C5orf34: variants seen among roughly 807,000 people sequenced by gnomAD.
C5orf34 encodes uncharacterized protein C5orf34.
A neutral mutation model predicts 78.4 loss-of-function variants in C5orf34; 73 were observed. The ratio of observed to expected loss-of-function variants is 0.93; its 90% CI spans 0.77 to 1.13. The LOEUF (loss-of-function observed/expected upper bound fraction) is 1.13, where lower values mean the gene tolerates loss of function less well. Among genes scored for constraint, C5orf34 ranks in the 50% most tolerant of loss-of-function variants. C5orf34 has a pLI of 0.00. For synonymous variants in C5orf34, 251 were observed against 246.6 expected, an observed-to-expected ratio of 1.02 and a Z score of -0.17; for missense variants, 730 against 732.7, an observed-to-expected ratio of 1.00 and a Z score of 0.04.
Position 43,509,353 on chromosome 5 carries a change from T to A in C5orf34, c.-14A>T, listed in dbSNP as rs898885315. ...TTCAGCTGCCATTACAACGGCAGGA[T>A]AAGATATCTTCTAAGTCAAAGACTG... On this transcript the variant is annotated 5_prime_UTR_variant, in exon 2 of 13. Coordinates refer to ENST00000306862, the MANE Select transcript of C5orf34 (RefSeq NM_198566.4). 2 of 1,445,640 alleles carry A rather than the reference T, an allele frequency of 1.4e-6. No individual in the cohort carries two copies. Among genetic ancestry groups the A allele is most frequent in the African/African-American group, 5.3e-5 (2 of 37,560 alleles). The allele number at this position is 1,445,640 out of a possible 1,614,324, so 89.6% of individuals were successfully genotyped here.
In C5orf34 at chr5:43,486,971, T is replaced by C; in HGVS notation, c.1861A>G (p.Lys621Glu). 6.4e-7 allele frequency: 1 copy of C among 1,570,900 alleles called. No homozygotes were observed. Among genetic ancestry groups the C allele is most frequent in the Non-Finnish European group, 8.6e-7 (1 of 1,162,142 alleles). ...NENRVSIALK[K>E]TSEILHDIDC... ...ATATCGTGAAGGATTTCAGAGGTTT[T>C]TTTCAATGCTATTGATACTCTATTT... The change falls in exon 13 of 13, where the codon AAA becomes GAA. Residue 621 changes from lysine to glutamate, a missense_variant. Coordinates refer to ENST00000306862, the MANE Select transcript of C5orf34 (RefSeq NM_198566.4).
At chr5:43,497,800 T>C (rs796217643) in intron 6 of C5orf34, among the ~76,000 whole-genome samples, 11 of 152,364 alleles carry the variant, frequency 7.2e-5, no homozygotes, top group African/African-American at 2.6e-4. Context: ...CTCTTTTGGC[T>C]ATGAAAACAG....
In C5orf34 at chr5:43,492,286, A is replaced by T. The variant is rs1745316743; in HGVS notation, c.1509T>A (p.Gly503=). 1 of 1,609,792 alleles carries T rather than the reference A, an allele frequency of 6.2e-7. No homozygotes were observed. Among genetic ancestry groups the T allele is most frequent in the Non-Finnish European group, 8.5e-7 (1 of 1,177,054 alleles). Residue 503 remains glycine, a synonymous_variant, in exon 10 of 13, where the codon GGT becomes GGA. Coordinates refer to ENST00000306862, the MANE Select transcript of C5orf34 (RefSeq NM_198566.4). Reference sequence around the variant, plus strand: ...CATCAGGAAAAGTTAACTTACACCAACCTAAGTTAAGACCTTGATTTACCT... The same window carrying T: ...CATCAGGAAAAGTTAACTTACACCATCCTAAGTTAAGACCTTGATTTACCT... ...KRQVNQGLNL[G]WCKLTFPDGQ...
chr5:43,500,530 G>T (rs1475078088), intron 6 of C5orf34, among the ~76,000 whole-genome samples: 2 of 152,026 alleles, frequency 1.3e-5, no homozygotes, highest in African/African-American at 4.8e-5. Flanking sequence ...CAAGTAGCTG[G>T]GATTACACAC....
intron 6 of C5orf34, chr5:43,495,870 T>C: frequency 6.3e-7 from 1 of 1,594,990 alleles, no homozygotes; most frequent in East Asian, 2.2e-5. Context: ...TTGTCACCAT[T>C]CCAACCAGAA....
At chr5:43,508,011 G>A (rs1351078461) in intron 3 of C5orf34, among the ~76,000 whole-genome samples, 2 of 151,550 alleles carry the variant, frequency 1.3e-5, no homozygotes, top group Non-Finnish European at 2.9e-5. Flanking sequence ...CTGGGAGGTG[G>A]AGGTTGCAGT....
At chr5:43,495,349 G>T (rs1745459060) in intron 6 of C5orf34, 2 of 1,611,668 alleles carry the variant, frequency 1.2e-6, no homozygotes, top group Non-Finnish European at 8.5e-7. Flanking sequence ...CAGCAAACTT[G>T]CATGCAATGT....
chr5:43,505,811 C>A lies in C5orf34; in HGVS notation c.869G>T (p.Gly290Val), dbSNP rs781245773. 1.7e-5 allele frequency: 28 copies of A among 1,611,178 alleles called. No individual in the cohort carries two copies. The East Asian group carries it at 6.0e-4, about 35-fold the overall frequency. Residue 290 changes from glycine to valine, a missense_variant, in exon 4 of 13, where the codon GGA (glycine) becomes GTA (valine). Physicochemically the swap from Gly to Val is moderately radical, Grantham distance 109. Coordinates refer to ENST00000306862, the MANE Select transcript of C5orf34 (RefSeq NM_198566.4). ...FLTSDISEER[G>V]KVVSVLPRAL... ...CCTGGGAAGAACAGAAACCACTTTT[C>A]CTCTTTCCTCTGAAATATCAGAAGT...
chr5:43,508,505 A>G (rs145311074), intron 3 of C5orf34, 72 bp downstream of exon 3: 3 of 911,076 alleles, frequency 3.3e-6, no homozygotes, highest in African/African-American at 1.7e-5. Flanking sequence ...AAAAAAGGCT[A>G]AATATTAAAT....
chr5:43,492,349 G>A, intron 9 of C5orf34, 40 bp from the exon 10 acceptor site: 1 of 1,313,276 alleles, frequency 7.6e-7, no homozygotes, highest in Non-Finnish European at 1.1e-6. Context: ...TTTTAGAACT[G>A]AAAAAAAGAA....
Position 43,509,333 on chromosome 5 carries a change from C to T in C5orf34, c.7G>A (p.Ala3Thr). 1 of 1,595,562 alleles carries T rather than the reference C, an allele frequency of 6.3e-7. No homozygotes were observed. Among genetic ancestry groups the T allele is most frequent in the Non-Finnish European group, 8.5e-7 (1 of 1,173,784 alleles). The change falls in exon 2 of 13, where the codon GCT becomes ACT. Residue 3 changes from alanine to threonine, a missense_variant. Physicochemically the swap from Ala to Thr is moderately conservative, Grantham distance 58 (BLOSUM62 0). Coordinates refer to ENST00000306862, the MANE Select transcript of C5orf34 (RefSeq NM_198566.4). Reference protein sequence around the residue: MAAELRMILYEDD... With the variant: MATELRMILYEDD... Reference sequence around the variant, plus strand: ...TCATAAAGTATCATTCGCAGTTCAGCTGCCATTACAACGGCAGGATAAGAT... The same window carrying T: ...TCATAAAGTATCATTCGCAGTTCAGTTGCCATTACAACGGCAGGATAAGAT...
At chr5:43,496,018 T>C (rs939478438) in intron 6 of C5orf34, 3 of 1,591,384 alleles carry the variant, frequency 1.9e-6, no homozygotes, top group African/African-American at 2.7e-5. Flanking sequence ...CAACAATTAG[T>C]TGTTTCACAC....
chr5:43,499,876 T>C (rs1745686304), intron 6 of C5orf34, among the ~76,000 whole-genome samples: 1 of 152,194 alleles, frequency 6.6e-6, no homozygotes, highest in South Asian at 2.1e-4. Flanking sequence ...TCCCTATTAA[T>C]GAACATTTAT....
chr5:43,495,829 C>T, intron 6 of C5orf34: 5 of 1,583,702 alleles, frequency 3.2e-6, no homozygotes, highest in East Asian at 2.2e-5. Context: ...ATCCCTTGAG[C>T]CAAGGCATGT....
chr5:43,500,354 C>T (rs1226061279), intron 6 of C5orf34, among the ~76,000 whole-genome samples: 1 of 151,866 alleles, frequency 6.6e-6, no homozygotes, highest in Non-Finnish European at 1.5e-5. Context: ...ATCTTCTGGG[C>T]TTTTGCTTAT....
intron 6 of C5orf34, chr5:43,495,251 T>G: frequency 6.2e-7 from 1 of 1,607,244 alleles, no homozygotes; most frequent in Non-Finnish European, 8.5e-7. Context: ...AGGAACCATA[T>G]CAACAATGGC....
chr5:43,494,020 A>G (rs1745395850), intron 7 of C5orf34, among the ~76,000 whole-genome samples: 1 of 152,196 alleles, frequency 6.6e-6, no homozygotes, highest in South Asian at 2.1e-4. Flanking sequence ...CTTGTACATA[A>G]ATTTATAAAA....
At position 43,492,788 on chromosome 5, in the gene C5orf34, C is replaced by T. The variant is rs1320460207; in HGVS notation, c.1417G>A (p.Ala473Thr). 6.2e-7 allele frequency: 1 copy of T among 1,613,212 alleles called. No individual in the cohort carries two copies. The highest frequency in any genetic ancestry group is 1.7e-5 in the Admixed American group (1 of 59,940). The part of the protein sequence containing the change: ...FLAYSDDKVH[A>T]IFLDGITLTL... ...AGAGTAATGCCATCTAAAAAGATAG[C>T]ATGTACTTTGTCATCAGAGTAGGCA... The change falls in exon 9 of 13, where the codon GCT becomes ACT. Residue 473 changes from alanine (A) to threonine (T), a missense_variant. Ala to Thr is a moderately conservative substitution (Grantham distance 58, BLOSUM62 0). Coordinates refer to ENST00000306862, the MANE Select transcript of C5orf34 (RefSeq NM_198566.4).
intron 11 of C5orf34, among the ~76,000 whole-genome samples, chr5:43,490,155 T>C (rs1409923256): frequency 6.6e-6 from 1 of 152,180 alleles, no homozygotes; most frequent in Non-Finnish European, 1.5e-5. Flanking sequence ...CCCTGCACAC[T>C]GAAAAGCACA....
Sources: gnomAD v4.1 joint callset for allele counts (sites outside exome capture counted in the v4.1 genomes callset) on GRCh38, gnomAD v4.1.1 for gene constraint, MANE v1.5 for transcripts, NCBI Gene and HGNC (gene_info 2026-07-23, HGNC 2026-07-21) for gene names.